TRPC6: variants seen among roughly 807,000 people sequenced by gnomAD.
TRPC6 encodes transient receptor potential cation channel subfamily C member 6.
Under a neutral mutation model 90.7 loss-of-function variants are expected in TRPC6, and 55 were observed. That is an observed-to-expected ratio of 0.61 (90% CI 0.49 to 0.76). The LOEUF (loss-of-function observed/expected upper bound fraction) is 0.76, where lower values mean the gene tolerates loss of function less well. Ranked by LOEUF, TRPC6 falls within the 30% of genes least tolerant of loss-of-function variation. The pLI, the probability that TRPC6 is intolerant of heterozygous loss-of-function variation, is 0.00. For synonymous variants in TRPC6, 393 were observed against 393.0 expected, an observed-to-expected ratio of 1.00 and a Z score of 0.00; for missense variants, 989 against 1,122.7, an observed-to-expected ratio of 0.88 and a Z score of 1.70.
At chr11:101,495,010 C>G (rs1009404354) in intron 2 of TRPC6, among the ~76,000 whole-genome samples, 3 of 152,134 alleles carry the variant, frequency 2.0e-5, no homozygotes, top group African/African-American at 7.2e-5. Context: ...GCTCATTAGC[C>G]AGAATGCAGC....
chr11:101,582,138 G>T (rs1437003259), intron 1 of TRPC6, among the ~76,000 whole-genome samples: 3 of 152,220 alleles, frequency 2.0e-5, no homozygotes, highest in African/African-American at 4.8e-5. Context: ...AATTGTAAAT[G>T]CTCTTAACTT....
At chr11:101,453,764 G>A (rs748239482) in intron 11 of TRPC6, 39 bp from the exon 12 acceptor site, 2 of 1,579,822 alleles carry the variant, frequency 1.3e-6, no homozygotes, top group Non-Finnish European at 1.7e-6. Flanking sequence ...GTCAGTTTCA[G>A]GTTCATGACA....
At chr11:101,472,481 G>C (rs537525608) in intron 7 of TRPC6, 149 bp from the exon 8 acceptor site, 2 of 732,818 alleles carry the variant, frequency 2.7e-6, no homozygotes, top group South Asian at 2.0e-5. Context: ...TTTCTTTTCT[G>C]TAAAATGGTT....
Position 101,583,514 on chromosome 11 carries a change from C to T in TRPC6, c.-11G>A. On this transcript the variant is annotated 5_prime_UTR_variant, in exon 1 of 13. Coordinates refer to ENST00000344327, the MANE Select transcript of TRPC6 (RefSeq NM_004621.6). ...CGGGCTCTGGCTCATGGCGGGAACG[C>T]CCGACTGGCCTGGGCCCCGCTCCCG... 1 of 1,466,484 alleles carries T rather than the reference C, an allele frequency of 6.8e-7. No individual in the cohort carries two copies. The highest frequency in any genetic ancestry group is 9.0e-7 in the Non-Finnish European group (1 of 1,111,292). 90.8% of individuals were successfully genotyped at this position (1,466,484 alleles called of 1,614,324 possible).
chr11:101,528,162 T>A (rs1860825255), intron 1 of TRPC6, among the ~76,000 whole-genome samples: 1 of 152,204 alleles, frequency 6.6e-6, no homozygotes, highest in Non-Finnish European at 1.5e-5. Context: ...TAAATAAATC[T>A]ATGTTAAATT....
intron 4 of TRPC6, among the ~76,000 whole-genome samples, chr11:101,488,707 T>C (rs772665412): frequency 1.3e-5 from 2 of 152,190 alleles, no homozygotes; most frequent in Non-Finnish European, 2.9e-5. Context: ...AGGTGAATTT[T>C]ATCTTTTCCG....
chr11:101,479,073 T>C (rs967432115), intron 5 of TRPC6, among the ~76,000 whole-genome samples: 1 of 152,170 alleles, frequency 6.6e-6, no homozygotes, highest in Non-Finnish European at 1.5e-5. Flanking sequence ...TCTTACACCA[T>C]GCCTCACCCT....
At chr11:101,544,334 G>T (rs7109771) in intron 1 of TRPC6, among the ~76,000 whole-genome samples, 16,207 of 152,104 alleles carry the variant, frequency 0.11, 1,629 homozygotes, top group East Asian at 0.54. Flanking sequence ...ATTCCTCAAG[G>T]ATCTAGAACT....
At chr11:101,557,592 T>G (rs1241110416) in intron 1 of TRPC6, among the ~76,000 whole-genome samples, 1 of 149,966 alleles carries the variant, frequency 6.7e-6, no homozygotes, top group East Asian at 2.0e-4. Flanking sequence ...ATAATATAAT[T>G]TTACATACAG....
At chr11:101,485,259 T>C (rs1186254485) in intron 4 of TRPC6, among the ~76,000 whole-genome samples, 1 of 147,398 alleles carries the variant, frequency 6.8e-6, no homozygotes, top group Non-Finnish European at 1.5e-5. Context: ...CCTACTGAAT[T>C]GATTCAAGGA....
chr11:101,531,077 G>C (rs1034419479), intron 1 of TRPC6, among the ~76,000 whole-genome samples: 1 of 152,120 alleles, frequency 6.6e-6, no homozygotes, highest in African/African-American at 2.4e-5. Flanking sequence ...ACCTAATGTT[G>C]CTTAATGCAT....
chr11:101,473,908 T>TA (rs2136674394), intron 6 of TRPC6, 135 bp from the exon 7 acceptor site: 1 of 1,176,596 alleles, frequency 8.5e-7, no homozygotes, highest in East Asian at 2.5e-5. Flanking sequence ...TTAAAGGGCT[T>TA]CTTAAGTGTC....
chr11:101,520,787 A>T (rs1860641847), intron 1 of TRPC6, among the ~76,000 whole-genome samples: 1 of 152,176 alleles, frequency 6.6e-6, no homozygotes. Context: ...GTTTGCAAAG[A>T]GGTTGGAGTC....
chr11:101,576,340 A>G (rs1263242484), intron 1 of TRPC6, among the ~76,000 whole-genome samples: 1 of 152,224 alleles, frequency 6.6e-6, no homozygotes, highest in Non-Finnish European at 1.5e-5. Flanking sequence ...ATGTAATTCT[A>G]GTTAACATCA....
intron 1 of TRPC6, among the ~76,000 whole-genome samples, chr11:101,577,617 A>T (rs980520008): frequency 6.6e-6 from 1 of 152,170 alleles, no homozygotes; most frequent in African/African-American, 2.4e-5. Context: ...AAAGGACTAG[A>T]TTGATTGAGG....
At chr11:101,459,356 C>T (rs200622664) in intron 10 of TRPC6, among the ~76,000 whole-genome samples, 45 of 152,272 alleles carry the variant, frequency 3.0e-4, no homozygotes, top group East Asian at 2.7e-3. Context: ...CAACAGGGAA[C>T]GGCACATCTC....
intron 1 of TRPC6, among the ~76,000 whole-genome samples, chr11:101,550,683 G>C (rs966508092): frequency 6.6e-6 from 1 of 151,652 alleles, no homozygotes; most frequent in African/African-American, 2.4e-5. Flanking sequence ...TAAGGCCTTT[G>C]TAGTCTGATA....
At position 101,506,102 on chromosome 11, in the gene TRPC6, C is replaced by T. The variant is rs561610844; in HGVS notation, c.171-1304G>A. On this transcript the variant is annotated intron_variant, in intron 1 of 12. Transcript: ENST00000344327. ...AGATTTTTTCGTTATTAATTCATAA[C>T]TTCGTGTCTTAAGGTCTTTTGAGCT... Among the ~76,000 whole-genome samples the T allele has an allele frequency of 7.9e-5, 12 of 151,530 alleles. No homozygotes were observed. The South Asian group carries it at 2.5e-3, about 32-fold the overall frequency.
In TRPC6 at chr11:101,471,244, C is replaced by G; in HGVS notation, c.2348G>C (p.Trp783Ser). 1 of 1,613,926 alleles carries G rather than the reference C, an allele frequency of 6.2e-7. No individual in the cohort carries two copies. Among genetic ancestry groups the G allele is most frequent in the Non-Finnish European group, 8.5e-7 (1 of 1,179,884 alleles). The change falls in exon 9 of 13, where the codon TGG becomes TCG. Residue 783 changes from tryptophan (W) to serine (S), a missense_variant. By Grantham distance (177) the Trp-to-Ser change is radical. Coordinates refer to ENST00000344327, the MANE Select transcript of TRPC6 (RefSeq NM_004621.6). Reference protein sequence around the residue: ...LFYLLLKLKKWISELFQGHKK... With the variant: ...LFYLLLKLKKSISELFQGHKK... ...ATGGCCCTGGAACAGCTCAGAAATC[C>G]ATTTTTTAAGCTTCAGTAAGAGATA...
Sources: allele counts gnomAD v4.1 joint callset (sites outside exome capture counted in the v4.1 genomes callset), GRCh38; gene constraint gnomAD v4.1.1; transcripts MANE v1.5; gene names NCBI Gene and HGNC (gene_info 2026-07-23, HGNC 2026-07-21).